The following LLGL2 variants were observed in gnomAD, a reference collection of about 807,000 sequenced individuals.
LLGL2 encodes LLGL2, scribble cell polarity complex component.
A neutral mutation model predicts 123.2 loss-of-function variants in LLGL2; 81 were observed. That is an observed-to-expected ratio of 0.66 (90% CI 0.55 to 0.79). The LOEUF is 0.79. LLGL2 is among the 30% of genes least tolerant of loss of function. The probability of loss-of-function intolerance (pLI) is 0.00; values close to 1 mark genes in which losing one functional copy is unlikely to be tolerated. For synonymous variants in LLGL2, 577 were observed against 594.1 expected (o/e 0.97, Z 0.42); for missense variants, 1,273 against 1,414.6 (o/e 0.90, Z 1.61).
intron 23 of LLGL2, 83 bp from the exon 24 acceptor site, chr17:75,574,370 C>T: frequency 6.5e-7 from 1 of 1,533,360 alleles, no homozygotes; most frequent in Non-Finnish European, 8.8e-7. Flanking sequence ...GATCCATGGG[C>T]ACCCACGGAG....
intron 10 of LLGL2, among the ~76,000 whole-genome samples, chr17:75,566,055 G>A (rs2055430199): frequency 6.6e-6 from 1 of 152,360 alleles, no homozygotes; most frequent in South Asian, 2.1e-4. Flanking sequence ...CTGATAAGGG[G>A]ACGTATTTGC....
At chr17:75,537,995 G>A (rs1326751214) in intron 1 of LLGL2, among the ~76,000 whole-genome samples, 4 of 152,088 alleles carry the variant, frequency 2.6e-5, no homozygotes, top group Non-Finnish European at 5.9e-5. Context: ...CTTTTTAGTA[G>A]AGATGAGGTT....
chr17:75,557,684 G>A (rs1219130664), intron 3 of LLGL2: 9 of 298,162 alleles, frequency 3.0e-5, no homozygotes, highest in Admixed American at 1.9e-4. Flanking sequence ...GCCTTGCTGC[G>A]GGCTCAGCCT....
intron 1 of LLGL2, among the ~76,000 whole-genome samples, chr17:75,529,981 G>C (rs965696086): frequency 6.6e-6 from 1 of 152,152 alleles, no homozygotes; most frequent in Non-Finnish European, 1.5e-5. Context: ...TCACTGACCC[G>C]TGCTGAGCTT....
chr17:75,540,786 C>T (rs1182059211), intron 1 of LLGL2, among the ~76,000 whole-genome samples: 3 of 152,064 alleles, frequency 2.0e-5, no homozygotes, highest in South Asian at 4.1e-4. Context: ...CTAGTGGGGA[C>T]GTTCTGCTTA....
chr17:75,534,486 T>C lies in LLGL2; in HGVS notation c.-31+8661T>C, dbSNP rs578003133. ...ATGCAAATTGGGGCTTGGATTTTTTTTTTTCTTTTTTTGAGAAAAGGTCTC... is the reference window on the plus strand; with the variant it reads ...ATGCAAATTGGGGCTTGGATTTTTTCTTTTCTTTTTTTGAGAAAAGGTCTC... On this transcript the variant is annotated intron_variant, in intron 1 of 25. Transcript: ENST00000392550. 5.9e-5 allele frequency among the ~76,000 whole-genome samples: 9 copies of C among 152,292 alleles called. No homozygotes were observed. In the East Asian group the frequency reaches 1.5e-3, roughly 26 times the overall value.
chr17:75,572,525 C>T (rs139665791), intron 19 of LLGL2, among the ~76,000 whole-genome samples: 7 of 152,082 alleles, frequency 4.6e-5, no homozygotes, highest in African/African-American at 1.4e-4. Context: ...ATTAGTTAGG[C>T]GTGGTGGCGG....
At chr17:75,543,114 C>G (rs1280227476) in intron 1 of LLGL2, 2 of 242,608 alleles carry the variant, frequency 8.2e-6, no homozygotes, top group African/African-American at 4.5e-5. Flanking sequence ...CGCCGGCCCT[C>G]CTTGTGCTTA....
intron 10 of LLGL2, among the ~76,000 whole-genome samples, chr17:75,565,422 A>G (rs920010735): frequency 6.6e-6 from 1 of 152,054 alleles, no homozygotes. Context: ...GCCTCTATCT[A>G]CCCTGTTCAG....
At chr17:75,561,022 G>A (rs1309951922) in intron 6 of LLGL2, among the ~76,000 whole-genome samples, 1 of 151,798 alleles carries the variant, frequency 6.6e-6, no homozygotes. Flanking sequence ...AGTAGAGACG[G>A]GGTTTCACCA....
chr17:75,567,919 C>T (rs530752632), intron 10 of LLGL2: 122 of 365,466 alleles, frequency 3.3e-4, no homozygotes, highest in Non-Finnish European at 4.2e-4. Flanking sequence ...CCAGCCTGGG[C>T]GACAGAGTGT....
At position 75,558,497 on chromosome 17, in the gene LLGL2, G is replaced by A. The variant is rs371384731; in HGVS notation, c.256-15G>A. The A allele has an allele frequency of 2.9e-5, 45 of 1,566,426 alleles. No individual in the cohort carries two copies. The highest frequency in any genetic ancestry group is 1.2e-4 in the African/African-American group (9 of 73,566). On this transcript the variant is annotated splice_polypyrimidine_tract_variant and intron_variant, in intron 4 of 25. Transcript: ENST00000392550. This position sits in a 1 kb window ranked among gnomAD's most constrained non-coding sequence, Gnocchi z 4.0. ...GGTAGCAAGACCACATGATCCCGTC[G>A]TGTGCCCTCGCCAGTGCCAGCTGGT...
Position 75,549,325 on chromosome 17 carries a change from C to T in LLGL2, c.75+5824C>T, listed in dbSNP as rs1354663286. Among the ~76,000 whole-genome samples, 5 of 152,180 alleles carry T rather than the reference C, an allele frequency of 3.3e-5. No homozygotes were observed. Among genetic ancestry groups the T allele is most frequent in the Admixed American group, 2.6e-4 (4 of 15,278 alleles). On this transcript the variant is annotated intron_variant, in intron 2 of 25. Coordinates refer to ENST00000392550, the MANE Select transcript of LLGL2 (RefSeq NM_001031803.2). This position sits in a 1 kb window ranked among gnomAD's most constrained non-coding sequence, Gnocchi z 4.0. The stretch of plus-strand genomic sequence containing the variant: ...AAACCCGTTCCTAGACAACTGCTCA[C>T]AGCCAGCTCGCTCCCCTCGGCCAAA...
At chr17:75,529,571 A>T (rs1206093598) in intron 1 of LLGL2, among the ~76,000 whole-genome samples, 2 of 151,854 alleles carry the variant, frequency 1.3e-5, no homozygotes, top group African/African-American at 2.4e-5. Flanking sequence ...CAAAAAATAA[A>T]AAAAAATTAG....
At chr17:75,568,130 T>A (rs1448310197) in intron 10 of LLGL2, 1 of 1,198,826 alleles carries the variant, frequency 8.3e-7, no homozygotes, top group Non-Finnish European at 1.0e-6. Context: ...GACAGGTGCA[T>A]CTGAGCAGGG....
In LLGL2 at chr17:75,559,315, C is replaced by T; in HGVS notation, c.435C>T (p.Tyr145=). ...VLPHSSCELL[Y]LGTESGNVFV... ...CACATTCCTCCTGCGAGCTGCTCTA[C>T]CTGGGCACCGAGAGTGGCAACGTGT... Residue 145 remains tyrosine (Y), a synonymous_variant, in exon 6 of 26, where the codon TAC becomes TAT. Coordinates refer to ENST00000392550, the MANE Select transcript of LLGL2 (RefSeq NM_001031803.2). The surrounding 1 kb of genome is among the most constrained non-coding windows in gnomAD (Gnocchi z 4.6). 6.2e-7 allele frequency: 1 copy of T among 1,613,618 alleles called. No individual in the cohort carries two copies. Among genetic ancestry groups the T allele is most frequent in the Non-Finnish European group, 8.5e-7 (1 of 1,179,974 alleles).
Position 75,558,450 on chromosome 17 carries a change from C to CAGTGTG in LLGL2, c.256-61_256-56dup. On this transcript the variant is annotated intron_variant, in intron 4 of 25. Transcript: ENST00000392550. The surrounding 1 kb of genome is among the most constrained non-coding windows in gnomAD (Gnocchi z 4.0). ...TTAAACAACTGGGGCTGCGTGGCCC[C>CAGTGTG]AGTGTGTAAAGGCCTTGCCTGGGTA... is the stretch of plus-strand genomic sequence containing the variant. 1 of 1,401,074 alleles carries CAGTGTG rather than the reference C, an allele frequency of 7.1e-7. No homozygotes were observed. The highest frequency in any genetic ancestry group is 1.2e-5 in the South Asian group (1 of 80,018). 86.8% of individuals were successfully genotyped at this position (1,401,074 alleles called of 1,614,324 possible).
Position 75,572,068 on chromosome 17 carries a change from C to CCA in LLGL2, c.2460+8_2460+9dup. 1 of 1,608,160 alleles carries CCA rather than the reference C, an allele frequency of 6.2e-7. No homozygotes were observed. The highest frequency in any genetic ancestry group is 1.3e-5 in the African/African-American group (1 of 75,010). Reference sequence around the variant, plus strand: ...CGTATCAGAGGAGCAGTTCAAGGTGCCACACGGGCAGCGGCGGGTCTCCCT... The same window carrying CCA: ...CGTATCAGAGGAGCAGTTCAAGGTGCCACACACGGGCAGCGGCGGGTCTCCCT... On this transcript the variant is annotated splice_donor_region_variant and intron_variant, in intron 19 of 25. Coordinates refer to ENST00000392550, the MANE Select transcript of LLGL2 (RefSeq NM_001031803.2).
chr17:75,569,686 C>T (rs2055607620), intron 14 of LLGL2, among the ~76,000 whole-genome samples: 1 of 151,936 alleles, frequency 6.6e-6, no homozygotes, highest in Non-Finnish European at 1.5e-5. Context: ...TGCCTGTAAT[C>T]CCAGCTACTG....
Sources: gnomAD v4.1 joint callset for allele counts (sites outside exome capture counted in the v4.1 genomes callset) on GRCh38, gnomAD v4.1.1 for gene constraint, Gnocchi (gnomAD v3.1) non-coding constraint, MANE v1.5 for transcripts, NCBI Gene and HGNC (gene_info 2026-07-23, HGNC 2026-07-21) for gene names.